The following PPP1R9A variants were observed in gnomAD, a reference collection of about 807,000 sequenced individuals.
The protein encoded by PPP1R9A is protein phosphatase 1 regulatory subunit 9A, also known as neurabin-1.
In PPP1R9A, 59 loss-of-function variants were observed where a neutral mutation model predicts 141.9. The observed-to-expected ratio is 0.42, with a 90% CI of 0.34 to 0.52. PPP1R9A has a LOEUF of 0.52. PPP1R9A is among the 20% of genes least tolerant of loss of function. The probability of loss-of-function intolerance (pLI) is 0.10; values close to 1 mark genes in which losing one functional copy is unlikely to be tolerated. For missense variants in PPP1R9A, 1,444 were observed against 1,611.9 expected, an observed-to-expected ratio of 0.90 and a Z score of 1.78; for synonymous variants, 500 against 569.7, an observed-to-expected ratio of 0.88 and a Z score of 1.74.
intron 3 of PPP1R9A, among the ~76,000 whole-genome samples, chr7:95,113,690 C>T (rs1820977442): frequency 6.6e-6 from 1 of 152,148 alleles, no homozygotes; most frequent in African/African-American, 2.4e-5. Context: ...TCCCAGAAAG[C>T]ATTTACCTAT....
chr7:95,117,588 C>G (rs995835959), intron 3 of PPP1R9A, among the ~76,000 whole-genome samples: 2 of 152,084 alleles, frequency 1.3e-5, no homozygotes, highest in Non-Finnish European at 2.9e-5. Context: ...TCTACCAAGA[C>G]CTGAGTCTAG....
intron 2 of PPP1R9A, among the ~76,000 whole-genome samples, chr7:95,021,430 A>T (rs1225237686): frequency 2.6e-5 from 4 of 151,402 alleles, no homozygotes; most frequent in Non-Finnish European, 5.9e-5. Flanking sequence ...TTGCCTGTTC[A>T]CTCTGATGAT....
intron 5 of PPP1R9A, among the ~76,000 whole-genome samples, chr7:95,187,505 A>T (rs1384000407): frequency 1.3e-5 from 2 of 151,738 alleles, no homozygotes; most frequent in African/African-American, 4.8e-5. Context: ...TGTTTGTTTC[A>T]ATTTCATTTA....
chr7:95,272,987 G>C (rs549656260), intron 14 of PPP1R9A, among the ~76,000 whole-genome samples: 5 of 152,150 alleles, frequency 3.3e-5, no homozygotes, highest in Admixed American at 1.3e-4. Flanking sequence ...ATGCTGAAAC[G>C]TGATGCCGAT....
intron 2 of PPP1R9A, among the ~76,000 whole-genome samples, chr7:94,950,108 T>A (rs184713660): frequency 2.0e-4 from 30 of 152,228 alleles, no homozygotes; most frequent in Non-Finnish European, 1.0e-4. Flanking sequence ...AAAGTAACTG[T>A]CTCTACTGTT....
In PPP1R9A at chr7:95,018,706, C is replaced by T. The variant is rs568170843; in HGVS notation, c.1396-92553C>T. Among the ~76,000 whole-genome samples, 5 of 152,288 alleles carry T rather than the reference C, an allele frequency of 3.3e-5. No individual in the cohort carries two copies. In the South Asian group the frequency reaches 1.0e-3, roughly 32 times the overall value. ...GTTCCTCAGTTGTGACACTGACCCGCTGTGTGCCAGCCTTCATCTGACCTT... is the reference window on the plus strand; with the variant it reads ...GTTCCTCAGTTGTGACACTGACCCGTTGTGTGCCAGCCTTCATCTGACCTT... On this transcript the variant is annotated intron_variant, in intron 2 of 19. Transcript: ENST00000433360.
chr7:95,115,238 A>T (rs1395143125), intron 3 of PPP1R9A, among the ~76,000 whole-genome samples: 3 of 152,196 alleles, frequency 2.0e-5, no homozygotes, highest in African/African-American at 7.2e-5. Context: ...GTGTTACTAT[A>T]AAAGATCAGT....
chr7:94,953,888 AATC>A (rs1796764098), intron 2 of PPP1R9A, among the ~76,000 whole-genome samples: 1 of 152,100 alleles, frequency 6.6e-6, no homozygotes, highest in African/African-American at 2.4e-5. Context: ...CTAAATATAT[AATC>A]ATGTCATCTG....
At chr7:95,111,178 T>C (rs897317469) in intron 2 of PPP1R9A, 81 bp from the exon 3 acceptor site, 2 of 1,349,524 alleles carry the variant, frequency 1.5e-6, no homozygotes, top group Admixed American at 4.6e-5. Flanking sequence ...ATCACATGAA[T>C]GTTTAAACTT....
intron 2 of PPP1R9A, among the ~76,000 whole-genome samples, chr7:94,936,856 A>C (rs1794824927): frequency 6.6e-6 from 1 of 152,082 alleles, no homozygotes. Context: ...TTGGGCAAGT[A>C]ATTTCTCTAG....
intron 2 of PPP1R9A, among the ~76,000 whole-genome samples, chr7:95,016,697 T>C (rs936238987): frequency 5.3e-5 from 8 of 152,278 alleles, no homozygotes; most frequent in Non-Finnish European, 7.4e-5. Context: ...AGGAAGAATC[T>C]GTAACTCATA....
chr7:94,910,048 G>T lies in PPP1R9A; in HGVS notation c.-66G>T, dbSNP rs1791281410. On this transcript the variant is annotated 5_prime_UTR_variant, in exon 2 of 20. Transcript: ENST00000433360. The surrounding 1 kb of genome is among the most constrained non-coding windows in gnomAD (Gnocchi z 4.5). ...CAATACTGGTGATTAGAGAAGAGAG[G>T]TATCTTGGTTTTTGGTTTTTTTCTT... 7.3e-7 allele frequency: 1 copy of T among 1,362,456 alleles called. No homozygotes were observed. Among genetic ancestry groups the T allele is most frequent in the Non-Finnish European group, 1.0e-6 (1 of 988,044 alleles). 84.4% of individuals were successfully genotyped at this position (1,362,456 alleles called of 1,614,324 possible). A position where few individuals can be genotyped will look rare whatever the true frequency, so the allele number is the denominator to read the frequency against.
At chr7:95,141,594 ATTTCATGTAAATGGAATACAGTATGTG>A (rs1826700909) in intron 4 of PPP1R9A, among the ~76,000 whole-genome samples, 1 of 150,588 alleles carries the variant, frequency 6.6e-6, no homozygotes, top group South Asian at 2.1e-4. Context: ...TCTCCTGGCC[ATTTCATGTAAATGGAATACAGTATGTG>A]GTCTTTTGTG....
In PPP1R9A at chr7:95,292,209, G is replaced by A. The variant is rs1404958359; in HGVS notation, c.*1906G>A. On this transcript the variant is annotated 3_prime_UTR_variant, in exon 20 of 20. Coordinates refer to ENST00000433360, the MANE Select transcript of PPP1R9A (RefSeq NM_001166160.2). The stretch of plus-strand genomic sequence containing the variant: ...GGATACTCTATTAATGTCTTGAGAT[G>A]TCTGGTGCTTTGTTATTTTTTCACA... 1 of 152,328 alleles carries A rather than the reference G, an allele frequency of 6.6e-6. No homozygotes were observed. The highest frequency in any genetic ancestry group is 1.5e-5 in the Non-Finnish European group (1 of 68,032). The allele number at this position is 152,328 out of a possible 1,614,324, so 9.4% of individuals were successfully genotyped here. A position where few individuals can be genotyped will look rare whatever the true frequency, so the allele number is the denominator to read the frequency against.
intron 7 of PPP1R9A, 112 bp from the exon 8 acceptor site, chr7:95,225,849 C>G (rs1585343896): frequency 8.7e-7 from 1 of 1,154,916 alleles, no homozygotes; most frequent in South Asian, 1.8e-5. Context: ...AACCTACTTA[C>G]ACTTTTACCA....
At chr7:95,158,801 A>T (rs1830022587) in intron 4 of PPP1R9A, among the ~76,000 whole-genome samples, 1 of 152,216 alleles carries the variant, frequency 6.6e-6, no homozygotes, top group Non-Finnish European at 1.5e-5. Flanking sequence ...ATGATTTGAC[A>T]ATTTGTGGAA....
chr7:94,995,888 A>G (rs1802105188), intron 2 of PPP1R9A, among the ~76,000 whole-genome samples: 1 of 152,120 alleles, frequency 6.6e-6, no homozygotes, highest in South Asian at 2.1e-4. Context: ...AGTACTAGAT[A>G]TTTTTGTATT....
intron 2 of PPP1R9A, among the ~76,000 whole-genome samples, chr7:95,094,906 G>A (rs370606172): frequency 0.012 from 1,109 of 92,732 alleles, 25 homozygotes; most frequent in Admixed American, 0.031. Flanking sequence ...AAAAAAAAAA[G>A]GAACAAAAGG....
intron 12 of PPP1R9A, among the ~76,000 whole-genome samples, chr7:95,261,205 A>G (rs894161182): frequency 6.6e-6 from 1 of 152,210 alleles, no homozygotes; most frequent in East Asian, 1.9e-4. Flanking sequence ...AGAGGGAAAC[A>G]TGACCAGTCA....
Sources: allele counts gnomAD v4.1 joint callset (sites outside exome capture counted in the v4.1 genomes callset), GRCh38; gene constraint gnomAD v4.1.1; non-coding constraint Gnocchi (gnomAD v3.1); transcripts MANE v1.5; gene names NCBI Gene and HGNC (gene_info 2026-07-23, HGNC 2026-07-21).